CSMD1: variants seen among roughly 807,000 people sequenced by gnomAD.
The protein encoded by CSMD1 is CUB and sushi domain-containing protein 1.
CSMD1 carries 213 observed loss-of-function variants against 417.5 expected under a neutral mutation model. That is an observed-to-expected ratio of 0.51 (90% confidence interval 0.46 to 0.57). The LOEUF is 0.57. CSMD1 is among the 20% of genes least tolerant of loss of function. The pLI is 0.00. For synonymous variants in CSMD1, 2,862 were observed against 1,736.8 expected (o/e 1.65, Z -16.11); for missense variants, 6,923 against 4,529.7 (o/e 1.53, Z -15.17).
At chr8:4,942,188 T>A (rs1808049901) in intron 1 of CSMD1, among the ~76,000 whole-genome samples, 1 of 152,156 alleles carries the variant, frequency 6.6e-6, no homozygotes, top group Non-Finnish European at 1.5e-5. Flanking sequence ...CACTTTTGCT[T>A]CCTTCCCCCC....
intron 6 of CSMD1, among the ~76,000 whole-genome samples, chr8:3,723,270 G>A (rs946711902): frequency 2.6e-5 from 4 of 152,060 alleles, no homozygotes; most frequent in South Asian, 2.1e-4. Flanking sequence ...GTCCCAATTC[G>A]AATCCTCCTC....
chr8:4,201,328 G>A (rs187084565), intron 3 of CSMD1, among the ~76,000 whole-genome samples: 1 of 152,018 alleles, frequency 6.6e-6, no homozygotes, highest in Non-Finnish European at 1.5e-5. Flanking sequence ...CACGAGGTCA[G>A]GAGATCGAGA....
intron 5 of CSMD1, among the ~76,000 whole-genome samples, chr8:3,775,925 A>G (rs1798864543): frequency 6.6e-6 from 1 of 152,168 alleles, no homozygotes; most frequent in Admixed American, 6.5e-5. Context: ...AGTCTCATGG[A>G]TGTGAATGCC....
chr8:4,424,024 C>T (rs1797405724), intron 2 of CSMD1, among the ~76,000 whole-genome samples: 1 of 151,942 alleles, frequency 6.6e-6, no homozygotes, highest in African/African-American at 2.4e-5. Flanking sequence ...GTAAGTTTAA[C>T]ACCTTATATA....
At chr8:3,112,432 C>G (rs1286568777) in intron 42 of CSMD1, among the ~76,000 whole-genome samples, 1 of 152,184 alleles carries the variant, frequency 6.6e-6, no homozygotes, top group Non-Finnish European at 1.5e-5. Context: ...GTTCCCACCT[C>G]TTAAAGGGCA....
chr8:2,979,901 G>A (rs1244912239), intron 54 of CSMD1, among the ~76,000 whole-genome samples: 1 of 152,200 alleles, frequency 6.6e-6, no homozygotes, highest in Admixed American at 6.5e-5. Context: ...CCCCTACAGG[G>A]CATGTATCTG....
intron 5 of CSMD1, among the ~76,000 whole-genome samples, chr8:3,994,977 G>C (rs1260944456): frequency 6.6e-6 from 1 of 152,128 alleles, no homozygotes; most frequent in Non-Finnish European, 1.5e-5. Flanking sequence ...TCCTGGCTCT[G>C]TGGAATGACC....
chr8:3,381,426 G>C (rs1434211672), intron 18 of CSMD1, among the ~76,000 whole-genome samples: 11 of 152,072 alleles, frequency 7.2e-5, no homozygotes, highest in Non-Finnish European at 1.6e-4. Flanking sequence ...TAAAATTATT[G>C]ATACAATTAA....
rs1471356176 is a variant in CSMD1, at chr8:3,643,623, C to T, written c.1010-26826G>A. ...GGCTGAGGCAGGAGAATGGCGTGAACCCGGGAGGTGGAGCTTGCAGTGAGC... is the reference window on the plus strand; with the variant it reads ...GGCTGAGGCAGGAGAATGGCGTGAATCCGGGAGGTGGAGCTTGCAGTGAGC... On this transcript the variant is annotated intron_variant, in intron 7 of 69. Transcript: ENST00000635120. Among the ~76,000 whole-genome samples the T allele has an allele frequency of 4.7e-5, 7 of 147,916 alleles. No individual in the cohort carries two copies. The Admixed American group carries it at 4.8e-4, about 10-fold the overall frequency.
intron 9 of CSMD1, among the ~76,000 whole-genome samples, chr8:3,584,350 C>T (rs1006801247): frequency 7.2e-5 from 11 of 152,048 alleles, no homozygotes; most frequent in East Asian, 3.9e-4. Flanking sequence ...AGAGACCCTG[C>T]GAAAAAAGTG....
chr8:3,624,488 T>C lies in CSMD1; in HGVS notation c.1010-7691A>G, dbSNP rs570693925. Among the ~76,000 whole-genome samples the C allele has an allele frequency of 3.9e-3, 588 of 152,350 alleles. 6 individuals carry two copies. Among genetic ancestry groups the C allele is most frequent in the Middle Eastern group, 0.034 (10 of 294 alleles). ...GAAGGCACTTACGATTGATTATTAT[T>C]GTCTATTTTCATTGTTGGTACTTGT... On this transcript the variant is annotated intron_variant, in intron 7 of 69. Transcript: ENST00000635120.
chr8:4,555,029 G>A (rs899625944), intron 2 of CSMD1, among the ~76,000 whole-genome samples: 1 of 152,208 alleles, frequency 6.6e-6, no homozygotes, highest in African/African-American at 2.4e-5. Context: ...AAGACTCAGA[G>A]ATGCTGGTAG....
At chr8:3,460,204 A>T (rs1816406739) in intron 12 of CSMD1, among the ~76,000 whole-genome samples, 1 of 152,140 alleles carries the variant, frequency 6.6e-6, no homozygotes, top group African/African-American at 2.4e-5. Flanking sequence ...AAACTCTGAG[A>T]TGAGACGGGA....
chr8:3,439,309 A>ATATATATATATATATATATATATATATTT, intron 12 of CSMD1, among the ~76,000 whole-genome samples: 3 of 62,450 alleles, frequency 4.8e-5, no homozygotes, highest in African/African-American at 1.3e-4. Flanking sequence ...ATATATATAT[A>ATATATATATATATATATATATATATATTT]TTTTTTTTTT....
At chr8:4,763,126 G>T (rs944145643) in intron 1 of CSMD1, among the ~76,000 whole-genome samples, 3 of 152,282 alleles carry the variant, frequency 2.0e-5, no homozygotes, top group African/African-American at 7.2e-5. Flanking sequence ...AAGTTACAAA[G>T]ACGAAGAGGT....
intron 3 of CSMD1, among the ~76,000 whole-genome samples, chr8:4,140,491 C>T (rs1803719655): frequency 7.4e-6 from 1 of 134,732 alleles, no homozygotes; most frequent in African/African-American, 2.6e-5. Context: ...AAATCCATCT[C>T]AAAAACAAAC....
intron 1 of CSMD1, among the ~76,000 whole-genome samples, chr8:4,956,850 G>A (rs1413159525): frequency 6.6e-6 from 1 of 152,168 alleles, no homozygotes; most frequent in African/African-American, 2.4e-5. Flanking sequence ...GCAGAAGTCA[G>A]TGTGAACTCA....
intron 3 of CSMD1, among the ~76,000 whole-genome samples, chr8:4,125,535 G>A (rs1235427956): frequency 6.6e-6 from 1 of 152,306 alleles, no homozygotes; most frequent in African/African-American, 2.4e-5. Context: ...TCAGGGGCGC[G>A]CAGCCTCAAC....
chr8:4,901,317 C>A (rs988425899), intron 1 of CSMD1, among the ~76,000 whole-genome samples: 1 of 152,158 alleles, frequency 6.6e-6, no homozygotes, highest in Non-Finnish European at 1.5e-5. Flanking sequence ...CTTGTGTCAT[C>A]TGAACACAAA....
Sources: allele counts gnomAD v4.1 joint callset (sites outside exome capture counted in the v4.1 genomes callset), GRCh38; gene constraint gnomAD v4.1.1; transcripts MANE v1.5; gene names NCBI Gene and HGNC (gene_info 2026-07-23, HGNC 2026-07-21).